BRI3: variants seen among roughly 807,000 people sequenced by gnomAD.
BRI3 encodes the protein brain protein I3.
Under a neutral mutation model 12.8 loss-of-function variants are expected in BRI3, and 6 were observed. That is an observed-to-expected ratio of 0.47 (90% CI 0.26 to 0.93). BRI3 has a LOEUF of 0.93. BRI3 is among the 40% of genes least tolerant of loss of function. BRI3 has a pLI of 0.15. For missense variants in BRI3, 134 were observed against 171.1 expected (o/e 0.78, Z 1.21); for synonymous variants, 91 against 76.1 (o/e 1.20, Z -1.02).
chr7:98,322,559 C>T, the BRI3 span, among the ~76,000 whole-genome samples: 1 of 152,192 alleles, frequency 6.6e-6, no homozygotes, highest in Admixed American at 6.5e-5. Context: ...TCTGTGGTCT[C>T]TTCCCTGCCC....
chr7:98,293,189 G>C (rs1270274498), downstream of BRI3: 1 of 292,876 alleles, frequency 3.4e-6, no homozygotes, highest in Non-Finnish European at 6.2e-6. Flanking sequence ...TGAAAGCATA[G>C]ACTATCCCTT....
At chr7:98,303,042 C>A (rs1303690125), upstream of BRI3, among the ~76,000 whole-genome samples, 2 of 152,184 alleles carry the variant, frequency 1.3e-5, no homozygotes, top group East Asian at 3.8e-4. Flanking sequence ...GCCTTGGCCT[C>A]CCAAAGTGTT....
At chr7:98,295,119 T>G (rs1407084782), downstream of BRI3, among the ~76,000 whole-genome samples, 1 of 152,154 alleles carries the variant, frequency 6.6e-6, no homozygotes, top group East Asian at 1.9e-4. Flanking sequence ...CCTCTCAAGA[T>G]TGACTTAGGG....
downstream of BRI3, among the ~76,000 whole-genome samples, chr7:98,297,236 C>A (rs1310404083): frequency 1.3e-5 from 2 of 152,274 alleles, no homozygotes; most frequent in Non-Finnish European, 2.9e-5. Flanking sequence ...TGTGTGGACA[C>A]TGGCTGACCA....
At chr7:98,300,492 G>A (rs571937999) in intron 1 of BRI3, among the ~76,000 whole-genome samples, 3 of 152,316 alleles carry the variant, frequency 2.0e-5, no homozygotes, top group South Asian at 2.1e-4. Flanking sequence ...AGATGACCGC[G>A]CCATGTCTTA....
chr7:98,304,999 G>A (rs554388980), upstream of BRI3, among the ~76,000 whole-genome samples: 11 of 150,564 alleles, frequency 7.3e-5, no homozygotes, highest in South Asian at 8.4e-4. Context: ...CCAAGTAGCC[G>A]GGATTACAGG....
chr7:98,296,811 C>T (rs966467041), downstream of BRI3, among the ~76,000 whole-genome samples: 4 of 152,230 alleles, frequency 2.6e-5, no homozygotes, highest in African/African-American at 4.8e-5. Context: ...AGGAGACCCA[C>T]GAGGGCAGGG....
the BRI3 span, chr7:98,317,180 CA>C: frequency 2.5e-6 from 4 of 1,582,300 alleles, no homozygotes; most frequent in Non-Finnish European, 3.5e-6. Flanking sequence ...TGCAAATTGT[CA>C]ACAACAAAAG....
chr7:98,312,302 A>T (rs1800903246), downstream of BRI3: 2 of 1,566,056 alleles, frequency 1.3e-6, no homozygotes, highest in Non-Finnish European at 1.7e-6. Flanking sequence ...GACAAAGAAG[A>T]TTGTCTGAAG....
At chr7:98,300,674 C>T (rs1375657580) in intron 1 of BRI3, among the ~76,000 whole-genome samples, 1 of 152,068 alleles carries the variant, frequency 6.6e-6, no homozygotes, top group East Asian at 1.9e-4. Flanking sequence ...CCAGCACAGG[C>T]ACTGCTCAGG....
Position 98,282,405 on chromosome 7 carries a change from G to C in BRI3, c.197G>C (p.Arg66Pro), listed in dbSNP as rs183180327. 12 of 1,613,898 alleles carry C rather than the reference G, an allele frequency of 7.4e-6. No homozygotes were observed. The highest frequency in any genetic ancestry group is 1.0e-5 in the Non-Finnish European group (12 of 1,179,990). The change falls in exon 2 of 3, where the codon CGC (arginine) becomes CCC (proline). Residue 66 changes from arginine to proline, a missense_variant. Transcript: ENST00000297290. ...VYNIHSRTVT[R>P]YPANSIVVVG... is the part of the protein sequence containing the mutation. Reference sequence around the variant, plus strand: ...AACATCCACAGCCGGACCGTCACCCGCTATCCTGCCAACTCTATCGTGGTC... The same window carrying C: ...AACATCCACAGCCGGACCGTCACCCCCTATCCTGCCAACTCTATCGTGGTC...
At chr7:98,320,685 C>T in the BRI3 span, among the ~76,000 whole-genome samples, 2 of 152,136 alleles carry the variant, frequency 1.3e-5, no homozygotes, top group Admixed American at 1.3e-4. Flanking sequence ...AACAGGGAAA[C>T]ACAGAAATAC....
chr7:98,291,494 A>G lies in BRI3; in HGVS notation c.*251A>G. On this transcript the variant is annotated 3_prime_UTR_variant, in exon 3 of 3. Coordinates refer to ENST00000297290, the MANE Select transcript of BRI3 (RefSeq NM_015379.5). ...CTTCAATTTGAGAAAGGTGAGAAAT[A>G]ATGTTTTCAATAAATGAGATTCATA... The G allele has an allele frequency of 7.7e-7, 1 of 1,307,120 alleles. No homozygotes were observed. 81.0% of individuals were successfully genotyped at this position (1,307,120 alleles called of 1,614,324 possible).
chr7:98,302,177 G>A (rs736753), upstream of BRI3, among the ~76,000 whole-genome samples: 4 of 151,998 alleles, frequency 2.6e-5, no homozygotes, highest in African/African-American at 9.7e-5. Context: ...TTACAACCAG[G>A]CTTCTTCCAT....
upstream of BRI3, chr7:98,304,205 G>C: frequency 6.3e-7 from 1 of 1,596,866 alleles, no homozygotes; most frequent in Non-Finnish European, 8.5e-7. Flanking sequence ...CAGGAGCCGC[G>C]GTCTCGGGCT....
chr7:98,310,145 C>A (rs1280306542), exon 2 of BRI3: 4 of 277,718 alleles, frequency 1.4e-5, no homozygotes, highest in East Asian at 2.3e-4. Context: ...GCCACCGCGC[C>A]TGGCCTCCAT....
chr7:98,293,304 C>T, downstream of BRI3: 3 of 471,662 alleles, frequency 6.4e-6, no homozygotes, highest in South Asian at 7.4e-5. Context: ...TTTTAAATGG[C>T]TGAGCTGGTC....
intron 1 of BRI3, 44 bp downstream of exon 1, chr7:98,281,981 G>A: frequency 7.7e-7 from 1 of 1,291,434 alleles, no homozygotes; most frequent in Non-Finnish European, 9.8e-7. Flanking sequence ...TTCCGAGGTG[G>A]CAAGCCCGGT....
chr7:98,304,920 C>T (rs1584429218), upstream of BRI3, among the ~76,000 whole-genome samples: 1 of 149,088 alleles, frequency 6.7e-6, no homozygotes, highest in East Asian at 2.0e-4. Flanking sequence ...GGGTGGAGTG[C>T]AGTGGCGCGA....
Sources: gnomAD v4.1 joint callset for allele counts (sites outside exome capture counted in the v4.1 genomes callset) on GRCh38, gnomAD v4.1.1 for gene constraint, MANE v1.5 for transcripts, NCBI Gene and HGNC (gene_info 2026-07-23, HGNC 2026-07-21) for gene names.